GOLGA3: variants seen among roughly 807,000 people sequenced by gnomAD.
GOLGA3 encodes golgin subfamily A member 3.
In GOLGA3, 75 loss-of-function variants were observed where a neutral mutation model predicts 169.4. That is an observed-to-expected ratio of 0.44 (90% CI 0.37 to 0.54). The LOEUF (loss-of-function observed/expected upper bound fraction) is 0.54, where lower values mean the gene tolerates loss of function less well. Ranked by LOEUF, GOLGA3 falls within the 20% of genes least tolerant of loss-of-function variation. GOLGA3 has a pLI of 0.00. For synonymous variants in GOLGA3, 824 were observed against 822.4 expected (o/e 1.00, Z -0.03); for missense variants, 1,899 against 1,930.0 (o/e 0.98, Z 0.30).
At position 132,786,734 on chromosome 12, in the gene GOLGA3, C is replaced by T. The variant is rs376410836; in HGVS notation, c.2865G>A (p.Ala955=). Residue 955 remains alanine, a synonymous_variant, in exon 14 of 24, where the codon GCG becomes GCA. Transcript: ENST00000450791. ...QMVAVTEANE[A]LKKQIEELQQ... is the part of the protein sequence containing the mutation. ...GCAACTCTTCGATTTGTTTCTTCAG[C>T]GCCTCATTGGCCTCTGTGACCGCGA... is the stretch of plus-strand genomic sequence containing the variant. 1.5e-5 allele frequency: 24 copies of T among 1,612,508 alleles called. No homozygotes were observed. Among genetic ancestry groups the T allele is most frequent in the Middle Eastern group, 1.6e-4 (1 of 6,080 alleles).
In GOLGA3 at chr12:132,826,833, G is replaced by C. The variant is rs560885570; in HGVS notation, c.-184+1970C>G. The stretch of plus-strand genomic sequence containing the variant: ...CATTACCTCAGACTACTGACAAAAA[G>C]CGATCTCCGGGCAGCGAGGAGGAGG... On this transcript the variant is annotated intron_variant, in intron 1 of 23. Coordinates refer to ENST00000450791, the MANE Select transcript of GOLGA3 (RefSeq NM_001389683.1). Among the ~76,000 whole-genome samples, 8 of 150,706 alleles carry C rather than the reference G, an allele frequency of 5.3e-5. No homozygotes were observed. The East Asian group carries it at 9.7e-4, about 18-fold the overall frequency.
intron 22 of GOLGA3, 189 bp from the exon 23 acceptor site, chr12:132,774,509 C>T (rs1472693484): frequency 4.8e-6 from 3 of 624,642 alleles, no homozygotes; most frequent in South Asian, 1.9e-5. Context: ...GCTGAGGAAA[C>T]ACCTTTATTC....
chr12:132,786,788 CTG>C lies in GOLGA3; in HGVS notation c.2812-3_2812-2del, dbSNP rs1491301842. The stretch of plus-strand genomic sequence containing the variant: ...TCTGCTCCTTATCGAACTGCAACGA[CTG>C]TGGAAGGGAAGGAGGGCGTGAGGAG... On this transcript the variant is annotated splice_acceptor_variant and splice_polypyrimidine_tract_variant and intron_variant, in intron 13 of 23. Coordinates refer to ENST00000450791, the MANE Select transcript of GOLGA3 (RefSeq NM_001389683.1). LOFTEE classifies it high-confidence loss of function. The C allele has an allele frequency of 6.1e-4, 974 of 1,606,308 alleles. 2 individuals are homozygous for C. Among genetic ancestry groups the C allele is most frequent in the Non-Finnish European group, 7.0e-4 (825 of 1,173,012 alleles).
chr12:132,808,331 C>T lies in GOLGA3; in HGVS notation c.738G>A (p.Leu246=), dbSNP rs767733914. 6.2e-7 allele frequency: 1 copy of T among 1,614,136 alleles called. No homozygotes were observed. Among genetic ancestry groups the T allele is most frequent in the Non-Finnish European group, 8.5e-7 (1 of 1,180,024 alleles). ...TTGAATCTTCAGTTCTGTAATCGGC[C>T]AGAGACCGGATTTTGCTTGATTTGG... is the stretch of plus-strand genomic sequence containing the variant. ...KTSKSSKIRS[L]ADYRTEDSNA... is the part of the protein sequence containing the mutation. The change falls in exon 5 of 24, where the codon CTG becomes CTA. Residue 246 remains leucine, a synonymous_variant. Transcript: ENST00000450791.
intron 18 of GOLGA3, among the ~76,000 whole-genome samples, chr12:132,780,305 G>A (rs1429521492): frequency 1.3e-5 from 2 of 152,168 alleles, no homozygotes; most frequent in Non-Finnish European, 2.9e-5. Context: ...AAGCAGCAGC[G>A]TTCTAACAGA....
chr12:132,822,766 A>G (rs1479490699), intron 1 of GOLGA3, among the ~76,000 whole-genome samples: 2 of 152,184 alleles, frequency 1.3e-5, no homozygotes, highest in Non-Finnish European at 2.9e-5. Context: ...TACTAAAAAT[A>G]CAAAAAATAG....
At position 132,777,839 on chromosome 12, in the gene GOLGA3, G is replaced by A; in HGVS notation, c.3583-34C>T. ...AAGGAAGCCACGTTGTCCATGCCCT[G>A]CGTGACACCCACAGCTTTATGACGT... On this transcript the variant is annotated intron_variant, in intron 18 of 23. Coordinates refer to ENST00000450791, the MANE Select transcript of GOLGA3 (RefSeq NM_001389683.1). This position sits in a 1 kb window ranked among gnomAD's most constrained non-coding sequence, Gnocchi z 4.7. 1.2e-6 allele frequency: 2 copies of A among 1,610,384 alleles called. No individual in the cohort carries two copies. The highest frequency in any genetic ancestry group is 1.7e-6 in the Non-Finnish European group (2 of 1,178,388).
chr12:132,795,217 C>T (rs1019994511), intron 11 of GOLGA3, among the ~76,000 whole-genome samples: 10 of 150,646 alleles, frequency 6.6e-5, no homozygotes, highest in African/African-American at 2.4e-4. Flanking sequence ...AGGGGTCGGG[C>T]GCGGTGGCTC....
At chr12:132,788,829 C>G (rs79877112) in intron 13 of GOLGA3, among the ~76,000 whole-genome samples, 198 bp downstream of exon 13, 3 of 151,996 alleles carry the variant, frequency 2.0e-5, no homozygotes, top group Non-Finnish European at 2.9e-5. Context: ...CCCTCTGGGA[C>G]CTATGCTCCA....
Position 132,813,374 on chromosome 12 carries a change from C to A in GOLGA3, c.452G>T (p.Arg151Leu). 1 of 1,613,402 alleles carries A rather than the reference C, an allele frequency of 6.2e-7. No homozygotes were observed. The highest frequency in any genetic ancestry group is 1.1e-5 in the South Asian group (1 of 91,042). ...PLPLEKEEQV[R>L]LQARKWLEEQ... ...TTCCAGCCACTTCCGAGCCTGAAGT[C>A]GGACCTGCTCCTCCTTCTCCAGGGG... Residue 151 changes from arginine (R) to leucine (L), a missense_variant, in exon 4 of 24, where the codon CGA (arginine) becomes CTA (leucine). By Grantham distance (102) the Arg-to-Leu change is moderately radical (BLOSUM62 -2). Coordinates refer to ENST00000450791, the MANE Select transcript of GOLGA3 (RefSeq NM_001389683.1).
At chr12:132,779,993 C>T (rs1187312442) in intron 18 of GOLGA3, among the ~76,000 whole-genome samples, 5 of 146,862 alleles carry the variant, frequency 3.4e-5, no homozygotes, top group Non-Finnish European at 6.0e-5. Context: ...CGTGCACACA[C>T]ACCCCAGGCA....
chr12:132,791,790 A>G (rs11147078), intron 11 of GOLGA3, among the ~76,000 whole-genome samples: 4 of 113,194 alleles, frequency 3.5e-5, no homozygotes, highest in Non-Finnish European at 5.6e-5. Context: ...AGGGCTCCAG[A>G]AGGGGCCACA....
intron 15 of GOLGA3, among the ~76,000 whole-genome samples, chr12:132,784,712 CCA>C (rs55815113): frequency 0.2 from 30,972 of 151,576 alleles, 4,073 homozygotes; most frequent in Non-Finnish European, 0.3. Context: ...ATCCCACACA[CCA>C]CACACACACG....
chr12:132,778,387 C>A (rs971297983), intron 18 of GOLGA3, among the ~76,000 whole-genome samples: 1 of 152,102 alleles, frequency 6.6e-6, no homozygotes, highest in Non-Finnish European at 1.5e-5. Flanking sequence ...CTGGCTAACA[C>A]GGGGAAACCC....
At position 132,808,370 on chromosome 12, in the gene GOLGA3, C is replaced by T. The variant is rs746492347; in HGVS notation, c.699G>A (p.Arg233=). 4 of 1,613,906 alleles carry T rather than the reference C, an allele frequency of 2.5e-6. No individual in the cohort carries two copies. In the Admixed American group the frequency reaches 5.0e-5, roughly 20 times the overall value. The part of the protein sequence containing the change: ...VGSLGLPAHP[R]EKKTSKSSKI... ...TGCTTGATTTGGAAGTTTTTTTCTC[C>T]CTAGGATGTGCCGGAAGCCCCAGGC... Residue 233 remains arginine, a synonymous_variant, in exon 5 of 24, where the codon AGG becomes AGA. Coordinates refer to ENST00000450791, the MANE Select transcript of GOLGA3 (RefSeq NM_001389683.1).
intron 6 of GOLGA3, 62 bp downstream of exon 6, chr12:132,807,113 CAG>C: frequency 2.1e-6 from 2 of 952,620 alleles, no homozygotes; most frequent in Non-Finnish European, 3.3e-6. Flanking sequence ...TCGTACCCAA[CAG>C]AGGAGCCACA....
chr12:132,806,091 G>C (rs1949386219), intron 6 of GOLGA3, among the ~76,000 whole-genome samples: 1 of 152,130 alleles, frequency 6.6e-6, no homozygotes, highest in Admixed American at 6.6e-5. Flanking sequence ...ACAGGGGCAG[G>C]GATCCAGTTC....
intron 9 of GOLGA3, among the ~76,000 whole-genome samples, chr12:132,797,007 C>G (rs1359821487): frequency 6.6e-6 from 1 of 152,250 alleles, no homozygotes; most frequent in African/African-American, 2.4e-5. Context: ...GAGACCCGGA[C>G]ATGCTCTCAC....
intron 8 of GOLGA3, among the ~76,000 whole-genome samples, chr12:132,800,375 T>A (rs1043728159): frequency 6.6e-6 from 1 of 152,004 alleles, no homozygotes; most frequent in African/African-American, 2.4e-5. Context: ...GCGCCTGTAA[T>A]CCCAGCTACT....
Sources: allele counts gnomAD v4.1 joint callset (sites outside exome capture counted in the v4.1 genomes callset), GRCh38; gene constraint gnomAD v4.1.1; non-coding constraint Gnocchi (gnomAD v3.1); transcripts MANE v1.5; gene names NCBI Gene and HGNC (gene_info 2026-07-23, HGNC 2026-07-21).